Variants in GRK6 observed in about 807,000 individuals in gnomAD.
The protein encoded by GRK6 is G protein-coupled receptor kinase 6.
GRK6 carries 37 observed loss-of-function variants against 80.8 expected under a neutral mutation model. The observed-to-expected ratio is 0.46, with a 90% CI of 0.35 to 0.60. The LOEUF is 0.60. GRK6 is among the 20% of genes least tolerant of loss of function. GRK6 has a pLI of 0.00. For missense variants in GRK6, 560 were observed against 784.6 expected (o/e 0.71, Z 3.42); for synonymous variants, 295 against 320.9 (o/e 0.92, Z 0.86).
chr5:177,427,376 T>G (rs1343340315), intron 1 of GRK6, among the ~76,000 whole-genome samples: 2 of 152,220 alleles, frequency 1.3e-5, no homozygotes, highest in Non-Finnish European at 2.9e-5. Flanking sequence ...TGGCCACAAA[T>G]GCTACTTATA....
intron 1 of GRK6, among the ~76,000 whole-genome samples, chr5:177,430,130 C>T (rs1487124689): frequency 1.3e-5 from 2 of 152,152 alleles, no homozygotes; most frequent in African/African-American, 4.8e-5. Flanking sequence ...GCCAGAAACC[C>T]TCCTAGCAGC....
At position 177,436,390 on chromosome 5, in the gene GRK6, C is replaced by T. The variant is rs1345173161; in HGVS notation, c.1267-3C>T. 1 of 1,612,446 alleles carries T rather than the reference C, an allele frequency of 6.2e-7. No individual in the cohort carries two copies. Among genetic ancestry groups the T allele is most frequent in the Non-Finnish European group, 8.5e-7 (1 of 1,179,646 alleles). Reference sequence around the variant, plus strand: ...CTGCCTGGCCGACTCACCCCTGCCACAGCTCCTCTGCAAGGACCCTGCCGA... The same window carrying T: ...CTGCCTGGCCGACTCACCCCTGCCATAGCTCCTCTGCAAGGACCCTGCCGA... On this transcript the variant is annotated splice_polypyrimidine_tract_variant and splice_region_variant and intron_variant, in intron 12 of 15. Transcript: ENST00000355472.
In GRK6 at chr5:177,440,839, TG is replaced by T; in HGVS notation, c.1542+7del. 3 of 1,613,704 alleles carry T rather than the reference TG, an allele frequency of 1.9e-6. No individual in the cohort carries two copies. Among genetic ancestry groups the T allele is most frequent in the Non-Finnish European group, 2.5e-6 (3 of 1,179,918 alleles). On this transcript the variant is annotated splice_donor_region_variant and intron_variant, in intron 14 of 15. Coordinates refer to ENST00000355472, the MANE Select transcript of GRK6 (RefSeq NM_001004106.3). ...GTGCCCATCCCCTGGCAGAACGAGGTGGGGGCCTGCCCTGCTGGTGGGGTGG... is the reference window on the plus strand; with the variant it reads ...GTGCCCATCCCCTGGCAGAACGAGGTGGGGCCTGCCCTGCTGGTGGGGTGG...
Position 177,434,086 on chromosome 5 carries a change from G to A in GRK6, c.911G>A (p.Arg304Gln), listed in dbSNP as rs376251838. 2.0e-5 allele frequency: 32 copies of A among 1,592,574 alleles called. No individual in the cohort carries two copies. Among genetic ancestry groups the A allele is most frequent in the East Asian group, 6.7e-5 (3 of 44,660 alleles). The part of the protein sequence containing the change: ...EICCGLEDLH[R>Q]ERIVYRDLKP... ...TGCTGTGGCCTGGAGGACCTGCACC[G>A]GGAGCGCATCGTGTACAGGTGGGGA... is the stretch of plus-strand genomic sequence containing the variant. The change falls in exon 9 of 16, where the codon CGG (arginine) becomes CAG (glutamine). Residue 304 changes from arginine (R) to glutamine (Q), a missense_variant. By Grantham distance (43) the Arg-to-Gln change is conservative. This residue lies in a region of GRK6 where 294 missense variants were observed against 397.4 expected (regional missense o/e 0.74). Coordinates refer to ENST00000355472, the MANE Select transcript of GRK6 (RefSeq NM_001004106.3).
rs1049104008 is a variant in GRK6, at chr5:177,436,315, G to A, written c.1266+34G>A. On this transcript the variant is annotated intron_variant, in intron 12 of 15. Transcript: ENST00000355472. Reference sequence around the variant, plus strand: ...GCTCACAGAAGCCTGGCCAGCCAGGGCTGGGGTGGATGCACCTTTCCCTCC... The same window carrying A: ...GCTCACAGAAGCCTGGCCAGCCAGGACTGGGGTGGATGCACCTTTCCCTCC... 4 of 1,612,982 alleles carry A rather than the reference G, an allele frequency of 2.5e-6. No homozygotes were observed. The African/African-American group carries it at 5.3e-5, about 21-fold the overall frequency.
rs767841378 is a variant in GRK6 at position 177,433,209 on chromosome 5, A to G, written c.503A>G (p.Asn168Ser). The change falls in exon 6 of 16, where the codon AAC becomes AGC. Residue 168 changes from asparagine (N) to serine (S), a missense_variant. Physicochemically the swap from Asn to Ser is conservative, Grantham distance 46. Around this residue, in one of 3 missense-constraint regions of GRK6, gnomAD observed 77 missense variants for 156.9 expected, o/e 0.49. Transcript: ENST00000355472. ...GACTACCTCGACAGCATCTACTTCA[A>G]CCGTTTCCTGCAGTGGAAGTGGCTG... ...FADYLDSIYF[N>S]RFLQWKWLER... 1.1e-5 allele frequency: 18 copies of G among 1,614,016 alleles called. No individual in the cohort carries two copies. Among genetic ancestry groups the G allele is most frequent in the Non-Finnish European group, 1.5e-5 (18 of 1,180,014 alleles).
rs757475827 is a variant in GRK6 at position 177,430,963 on chromosome 5, C to A, written c.144C>A (p.Ser48Arg). 3.7e-6 allele frequency: 6 copies of A among 1,612,870 alleles called. No homozygotes were observed. Among genetic ancestry groups the A allele is most frequent in the Non-Finnish European group, 5.1e-6 (6 of 1,179,368 alleles). The change falls in exon 2 of 16, where the codon AGC becomes AGA. Residue 48 changes from serine to arginine, a missense_variant. Transcript: ENST00000355472. ...HISQCEELRL[S>R]LERDYHSLCE... ...GCCAGTGCGAAGAGCTGCGGCTCAGCCTCGGTGAGGCCTGGGCAGAGACTG... is the reference window on the plus strand; with the variant it reads ...GCCAGTGCGAAGAGCTGCGGCTCAGACTCGGTGAGGCCTGGGCAGAGACTG...
intron 15 of GRK6, 153 bp downstream of exon 15, chr5:177,441,206 C>G: frequency 6.7e-7 from 1 of 1,487,100 alleles, no homozygotes; most frequent in East Asian, 2.4e-5. Flanking sequence ...GCCTGTCCCC[C>G]ACCCCTGGCT....
rs1454598649 is a variant in GRK6, at chr5:177,440,832, A to T, written c.1537A>T (p.Asn513Tyr). 1 of 1,614,028 alleles carries T rather than the reference A, an allele frequency of 6.2e-7. No individual in the cohort carries two copies. The highest frequency in any genetic ancestry group is 1.3e-5 in the African/African-American group (1 of 75,056). The change falls in exon 14 of 16, where the codon AAC becomes TAC. Residue 513 changes from asparagine to tyrosine, a missense_variant. Around this residue, in one of 3 missense-constraint regions of GRK6, gnomAD observed 294 missense variants for 397.4 expected, o/e 0.74. Transcript: ENST00000355472. ...AGGCAGTGTGCCCATCCCCTGGCAG[A>T]ACGAGGTGGGGGCCTGCCCTGCTGG... is the stretch of plus-strand genomic sequence containing the variant. ...ATGSVPIPWQ[N>Y]EMVETECFQE...
intron 2 of GRK6, 107 bp downstream of exon 2, chr5:177,431,074 T>C: frequency 2.4e-6 from 2 of 849,422 alleles, no homozygotes; most frequent in South Asian, 1.6e-5. Context: ...ACTTGGGGGC[T>C]CCAGTGAGCA....
upstream of GRK6, among the ~76,000 whole-genome samples, chr5:177,425,799 C>T (rs934260577): frequency 6.6e-6 from 1 of 152,222 alleles, no homozygotes; most frequent in East Asian, 1.9e-4. Flanking sequence ...GTGGAGGAAG[C>T]GGGGTGTTAA....
At position 177,427,919 on chromosome 5, in the gene GRK6, G is replaced by C. The variant is rs537629777; in HGVS notation, c.52+1022G>C. Among the ~76,000 whole-genome samples, 86 of 152,306 alleles carry C rather than the reference G, an allele frequency of 5.6e-4. 1 individual carries two copies. The highest frequency in any genetic ancestry group is 2.0e-3 in the African/African-American group (85 of 41,540). On this transcript the variant is annotated intron_variant, in intron 1 of 15. Coordinates refer to ENST00000355472, the MANE Select transcript of GRK6 (RefSeq NM_001004106.3). The stretch of plus-strand genomic sequence containing the variant: ...GTGGGAAGCTGAGGCTCAAACCAGG[G>C]ATTAGCATCAGTCACACAGCAAGAT...
At chr5:177,435,171 C>A in intron 11 of GRK6, 50 bp downstream of exon 11, 1 of 1,389,324 alleles carries the variant, frequency 7.2e-7, no homozygotes, top group South Asian at 1.3e-5. Flanking sequence ...CCTCACTATC[C>A]ACCCACCCAG....
chr5:177,436,298 A>G lies in GRK6; in HGVS notation c.1266+17A>G, dbSNP rs975052380. ...TGCTCACAGGTACGGCAGCTCACAGAAGCCTGGCCAGCCAGGGCTGGGGTG... is the reference window on the plus strand; with the variant it reads ...TGCTCACAGGTACGGCAGCTCACAGGAGCCTGGCCAGCCAGGGCTGGGGTG... On this transcript the variant is annotated intron_variant, in intron 12 of 15. Transcript: ENST00000355472. 2 of 1,613,634 alleles carry G rather than the reference A, an allele frequency of 1.2e-6. No individual in the cohort carries two copies. Among genetic ancestry groups the G allele is most frequent in the African/African-American group, 1.3e-5 (1 of 75,020 alleles).
intron 13 of GRK6, 97 bp from the exon 14 acceptor site, chr5:177,440,603 C>A: frequency 7.0e-7 from 1 of 1,438,246 alleles, no homozygotes; most frequent in Non-Finnish European, 9.6e-7. Context: ...TGGTGTCAGG[C>A]AGCACTAGGC....
At position 177,440,680 on chromosome 5, in the gene GRK6, C is replaced by G; in HGVS notation, c.1405-20C>G. 6.2e-7 allele frequency: 1 copy of G among 1,612,712 alleles called. No individual in the cohort carries two copies. The highest frequency in any genetic ancestry group is 8.5e-7 in the Non-Finnish European group (1 of 1,178,856). On this transcript the variant is annotated intron_variant, in intron 13 of 15. Transcript: ENST00000355472. ...TGCGTGTGTGTGTTTCCTATCTGAC[C>G]GTTGCCTCTGTCCCACCAGCCCCAG...
chr5:177,433,063 C>A, intron 5 of GRK6, 84 bp from the exon 6 acceptor site: 1 of 1,210,878 alleles, frequency 8.3e-7, no homozygotes, highest in South Asian at 1.2e-5. Flanking sequence ...TAAGCCTGTA[C>A]AGAACGGGAG....
chr5:177,428,044 C>T lies in GRK6; in HGVS notation c.52+1147C>T, dbSNP rs2127369030. On this transcript the variant is annotated intron_variant, in intron 1 of 15. Coordinates refer to ENST00000355472, the MANE Select transcript of GRK6 (RefSeq NM_001004106.3). The surrounding 1 kb of genome is among the most constrained non-coding windows in gnomAD (Gnocchi z 4.1). ...TGCTACACCTGGCACCCCGTGCCCA[C>T]CAAGTGCTCTGGCGAGGTGCAGCCC... Among the ~76,000 whole-genome samples the T allele has an allele frequency of 6.6e-6, 1 of 152,372 alleles. No individual in the cohort carries two copies. Among genetic ancestry groups the T allele is most frequent in the East Asian group, 1.9e-4 (1 of 5,184 alleles).
chr5:177,441,363 T>C (rs2127382755), intron 15 of GRK6: 9 of 1,312,188 alleles, frequency 6.9e-6, no homozygotes, highest in South Asian at 1.3e-5. Context: ...CCCGCCCCAC[T>C]CCCCCTGCCC....
Sources: allele counts gnomAD v4.1 joint callset (sites outside exome capture counted in the v4.1 genomes callset), GRCh38; gene constraint gnomAD v4.1.1; regional missense constraint gnomAD v4.1.1; non-coding constraint Gnocchi (gnomAD v3.1); transcripts MANE v1.5; gene names NCBI Gene and HGNC (gene_info 2026-07-23, HGNC 2026-07-21).